CDH12: variants seen among roughly 807,000 people sequenced by gnomAD.
CDH12 encodes cadherin-12.
Under a neutral mutation model 74.1 loss-of-function variants are expected in CDH12, and 41 were observed. The observed-to-expected ratio is 0.55, with a 90% confidence interval of 0.43 to 0.72. The LOEUF (loss-of-function observed/expected upper bound fraction) is 0.72, where lower values mean the gene tolerates loss of function less well. CDH12 is among the 30% of genes least tolerant of loss of function. The pLI, the probability that CDH12 is intolerant of heterozygous loss-of-function variation, is 0.00. For missense variants in CDH12, 945 were observed against 977.2 expected (o/e 0.97, Z 0.44); for synonymous variants, 399 against 355.0 (o/e 1.12, Z -1.39).
intron 5 of CDH12, among the ~76,000 whole-genome samples, chr5:22,066,558 T>G (rs1277028417): frequency 6.6e-6 from 1 of 152,202 alleles, no homozygotes; most frequent in African/African-American, 2.4e-5. Flanking sequence ...CAACCCATTC[T>G]GTGATTACTT....
rs1354998420 is a variant in CDH12 at position 22,184,228 on chromosome 5, T to C, written c.-187+28270A>G. 2.0e-5 allele frequency among the ~76,000 whole-genome samples: 3 copies of C among 152,162 alleles called. No individual in the cohort carries two copies. In the East Asian group the frequency reaches 5.8e-4, roughly 29 times the overall value. The stretch of plus-strand genomic sequence containing the variant: ...TCCAAAGTTTTTGGCATGTAACACA[T>C]GCCTAAGAGATAATAAAGTTATTCT... On this transcript the variant is annotated intron_variant, in intron 4 of 14. Transcript: ENST00000382254.
intron 4 of CDH12, among the ~76,000 whole-genome samples, chr5:22,203,213 G>T (rs1293013074): frequency 1.3e-5 from 2 of 152,100 alleles, no homozygotes; most frequent in African/African-American, 4.8e-5. Context: ...CTATCTAACT[G>T]TAACTTTGAC....
chr5:22,230,746 G>A (rs1396988377), intron 3 of CDH12, among the ~76,000 whole-genome samples: 1 of 152,060 alleles, frequency 6.6e-6, no homozygotes, highest in Admixed American at 6.6e-5. Flanking sequence ...TGGGATTACA[G>A]TTGTGAGCCA....
intron 4 of CDH12, among the ~76,000 whole-genome samples, chr5:22,161,990 TATA>T: frequency 1.3e-5 from 2 of 151,516 alleles, no homozygotes; most frequent in South Asian, 4.2e-4. Context: ...GCCATGTCTG[TATA>T]ATGACTTCCT....
In CDH12 at chr5:22,821,186, G is replaced by C. The variant is rs567007183; in HGVS notation, c.-523+31872C>G. On this transcript the variant is annotated intron_variant, in intron 1 of 14. Transcript: ENST00000382254. ...AAGGCCTTTGACAAAATTCAACAACGCTTCATGCTAAAAACTCTCAATAAA... is the reference window on the plus strand; with the variant it reads ...AAGGCCTTTGACAAAATTCAACAACCCTTCATGCTAAAAACTCTCAATAAA... Among the ~76,000 whole-genome samples the C allele has an allele frequency of 2.6e-4, 39 of 151,388 alleles. No homozygotes were observed. In the South Asian group the frequency reaches 7.3e-3, roughly 28 times the overall value.
chr5:22,374,226 T>C (rs1439867070), intron 3 of CDH12, among the ~76,000 whole-genome samples: 9 of 151,914 alleles, frequency 5.9e-5, no homozygotes, highest in Non-Finnish European at 8.8e-5. Flanking sequence ...ATCACCTCAA[T>C]AGATCTAGAA....
In CDH12 at chr5:21,817,005, T is replaced by TC; in HGVS notation, c.941dup (p.Asn315LysfsTer4). 1.2e-6 allele frequency: 2 copies of TC among 1,612,830 alleles called. No individual in the cohort carries two copies. Among genetic ancestry groups the TC allele is most frequent in the Non-Finnish European group, 8.5e-7 (1 of 1,179,196 alleles). ...CATCTGTGACGATGTCAAACAAATT[T>TC]CCCCCATCTCCTGGAACAATATTGT... On this transcript the variant is annotated frameshift_variant, in exon 9 of 15. Coordinates refer to ENST00000382254, the MANE Select transcript of CDH12 (RefSeq NM_004061.5). LOFTEE classifies it high-confidence loss of function.
chr5:21,765,840 A>C (rs1186005062), intron 11 of CDH12, among the ~76,000 whole-genome samples: 1 of 152,042 alleles, frequency 6.6e-6, no homozygotes, highest in African/African-American at 2.4e-5. Context: ...ACTAGAAAAT[A>C]ATTAAATCAA....
chr5:22,671,872 A>T (rs1240858741), intron 1 of CDH12, among the ~76,000 whole-genome samples: 1 of 151,092 alleles, frequency 6.6e-6, no homozygotes, highest in Non-Finnish European at 1.5e-5. Flanking sequence ...GGGTGGGGTA[A>T]CTGTTGACAT....
intron 1 of CDH12, among the ~76,000 whole-genome samples, chr5:22,738,237 T>C (rs1744842569): frequency 6.6e-6 from 1 of 152,054 alleles, no homozygotes; most frequent in South Asian, 2.1e-4. Context: ...ATTATAAAAA[T>C]CATTTAGGAA....
chr5:22,411,479 T>C (rs1470427424), intron 2 of CDH12, among the ~76,000 whole-genome samples: 2 of 152,014 alleles, frequency 1.3e-5, no homozygotes, highest in East Asian at 1.9e-4. Flanking sequence ...AACTTCACCA[T>C]GTGATTTTTA....
rs114020316 is a variant in CDH12 at position 21,958,136 on chromosome 5, C to T, written c.526+16955G>A. On this transcript the variant is annotated intron_variant, in intron 6 of 14. Transcript: ENST00000382254. Reference sequence around the variant, plus strand: ...TTTGCCTGGTACTTCTCCTTCCTGCCGCTTTGTGAAAAAGGTGCATTGCGT... The same window carrying T: ...TTTGCCTGGTACTTCTCCTTCCTGCTGCTTTGTGAAAAAGGTGCATTGCGT... Among the ~76,000 whole-genome samples, 218 of 152,224 alleles carry T rather than the reference C, an allele frequency of 1.4e-3. 1 individual carries two copies. The highest frequency in any genetic ancestry group is 4.9e-3 in the African/African-American group (204 of 41,524).
chr5:22,817,389 A>C (rs1027996532), intron 1 of CDH12, among the ~76,000 whole-genome samples: 6 of 152,126 alleles, frequency 3.9e-5, no homozygotes, highest in African/African-American at 1.4e-4. Context: ...ATAGCATCAA[A>C]CTAAAAATTT....
intron 6 of CDH12, chr5:21,889,457 A>G (rs1752797034): frequency 2.3e-6 from 1 of 441,200 alleles, no homozygotes; most frequent in South Asian, 9.5e-5. Flanking sequence ...TGCACCTGTA[A>G]AGAGAGAAAC....
At chr5:22,508,592 C>T (rs1397563659) in intron 1 of CDH12, among the ~76,000 whole-genome samples, 1 of 152,156 alleles carries the variant, frequency 6.6e-6, no homozygotes, top group African/African-American at 2.4e-5. Flanking sequence ...TCTGTTGTCT[C>T]TAAGGGCAGC....
chr5:22,697,503 C>T (rs1194970433), intron 1 of CDH12, among the ~76,000 whole-genome samples: 2 of 140,042 alleles, frequency 1.4e-5, no homozygotes, highest in South Asian at 2.2e-4. Flanking sequence ...ACCCGGGAGG[C>T]GGAGCTTGCA....
intron 2 of CDH12, among the ~76,000 whole-genome samples, chr5:22,481,587 A>C (rs905507418): frequency 3.3e-5 from 5 of 152,230 alleles, no homozygotes; most frequent in Admixed American, 1.3e-4. Flanking sequence ...TGTTAAGAGA[A>C]ACAAGCCAGT....
chr5:22,295,956 T>C (rs1737606098), intron 3 of CDH12, among the ~76,000 whole-genome samples: 1 of 152,072 alleles, frequency 6.6e-6, no homozygotes, highest in South Asian at 2.1e-4. Flanking sequence ...TCTATAGGTA[T>C]TGTGTACACA....
chr5:22,628,392 T>C (rs552410432), intron 1 of CDH12, among the ~76,000 whole-genome samples: 1 of 152,166 alleles, frequency 6.6e-6, no homozygotes, highest in South Asian at 2.1e-4. Context: ...AAATCATACC[T>C]ACCACACTTT....
Sources: allele counts gnomAD v4.1 joint callset (sites outside exome capture counted in the v4.1 genomes callset), GRCh38; gene constraint gnomAD v4.1.1; transcripts MANE v1.5; gene names NCBI Gene and HGNC (gene_info 2026-07-23, HGNC 2026-07-21).